Variants in ADK observed in about 807,000 individuals in gnomAD.
ADK encodes the protein N6,N6-dimethyladenosine kinase.
ADK carries 24 observed loss-of-function variants against 44.7 expected under a neutral mutation model. The ratio of observed to expected loss-of-function variants is 0.54; its 90% confidence interval spans 0.39 to 0.76. The LOEUF (loss-of-function observed/expected upper bound fraction) is 0.76. Ranked by LOEUF, ADK falls within the 30% of genes least tolerant of loss-of-function variation. ADK has a pLI of 0.00. For missense variants in ADK, 321 were observed against 425.1 expected (o/e 0.76, Z 2.15); for synonymous variants, 128 against 142.6 (o/e 0.90, Z 0.73).
At chr10:74,439,658 G>T (rs942712261) in intron 6 of ADK, among the ~76,000 whole-genome samples, 1 of 151,994 alleles carries the variant, frequency 6.6e-6, no homozygotes, top group African/African-American at 2.4e-5. Flanking sequence ...CCTTTATATT[G>T]AAAATGATTA....
chr10:74,452,034 A>G (rs1845799157), intron 6 of ADK, among the ~76,000 whole-genome samples: 1 of 151,918 alleles, frequency 6.6e-6, no homozygotes, highest in Non-Finnish European at 1.5e-5. Context: ...GTGTATAGAT[A>G]TGATGTACAC....
intron 9 of ADK, among the ~76,000 whole-genome samples, chr10:74,624,471 A>T (rs1853111649): frequency 6.6e-6 from 1 of 152,110 alleles, no homozygotes; most frequent in Non-Finnish European, 1.5e-5. Flanking sequence ...GCACTTAGCC[A>T]TCTATTCAAT....
intron 4 of ADK, among the ~76,000 whole-genome samples, chr10:74,315,721 T>G (rs1642065695): frequency 6.6e-6 from 1 of 152,242 alleles, no homozygotes; most frequent in South Asian, 2.1e-4. Flanking sequence ...CCAGAATGAT[T>G]TCTTTTCAAG....
At chr10:74,214,827 T>C (rs1011667096) in intron 2 of ADK, among the ~76,000 whole-genome samples, 3 of 152,230 alleles carry the variant, frequency 2.0e-5, no homozygotes, top group Non-Finnish European at 4.4e-5. Flanking sequence ...GTATTTATCA[T>C]AATTGTTAAA....
At chr10:74,672,663 C>T (rs1167009419) in intron 10 of ADK, among the ~76,000 whole-genome samples, 1 of 152,138 alleles carries the variant, frequency 6.6e-6, no homozygotes, top group African/African-American at 2.4e-5. Context: ...TAATAGAATA[C>T]TTATGTTGCC....
chr10:74,398,494 C>T lies in ADK; in HGVS notation c.470C>T (p.Ala157Val). 1 of 1,611,230 alleles carries T rather than the reference C, an allele frequency of 6.2e-7. No homozygotes were observed. The highest frequency in any genetic ancestry group is 8.5e-7 in the Non-Finnish European group (1 of 1,178,146). The change falls in exon 6 of 11, where the codon GCT becomes GTT. Residue 157 changes from alanine (A) to valine (V), a missense_variant. Ala to Val is a moderately conservative substitution (Grantham distance 64). Transcript: ENST00000539909. ...AGGTCCCTCATAGCTAATCTTGCTG[C>T]TGCCAATTGTTATAAAAAGGAAAAA... ...DNRSLIANLA[A>V]ANCYKKEKHL...
intron 9 of ADK, among the ~76,000 whole-genome samples, chr10:74,616,397 A>G (rs1852761185): frequency 1.3e-5 from 2 of 152,112 alleles, no homozygotes; most frequent in East Asian, 3.8e-4. Context: ...TTATATATAT[A>G]TATAAGGTGT....
intron 8 of ADK, among the ~76,000 whole-genome samples, chr10:74,596,590 C>T (rs934991929): frequency 3.2e-4 from 49 of 151,804 alleles, no homozygotes; most frequent in African/African-American, 1.1e-3. Flanking sequence ...CTGTTGCCCA[C>T]GCTGGAGTGC....
At chr10:74,523,889 C>T (rs1047805244) in intron 6 of ADK, among the ~76,000 whole-genome samples, 1 of 152,198 alleles carries the variant, frequency 6.6e-6, no homozygotes, top group African/African-American at 2.4e-5. Context: ...TGTTGCTGCC[C>T]AGGTTAACTT....
At chr10:74,699,657 A>G (rs1238975327) in intron 10 of ADK, among the ~76,000 whole-genome samples, 1 of 151,580 alleles carries the variant, frequency 6.6e-6, no homozygotes, top group South Asian at 2.1e-4. Flanking sequence ...CCTGGATGAC[A>G]GAGGAGACTC....
At chr10:74,427,458 A>G (rs1301446733) in intron 6 of ADK, among the ~76,000 whole-genome samples, 1 of 152,190 alleles carries the variant, frequency 6.6e-6, no homozygotes, top group Non-Finnish European at 1.5e-5. Flanking sequence ...TTGGCTTCCC[A>G]AAGTGCTGGG....
At chr10:74,435,904 A>G (rs893005049) in intron 6 of ADK, among the ~76,000 whole-genome samples, 2 of 152,228 alleles carry the variant, frequency 1.3e-5, no homozygotes, top group African/African-American at 4.8e-5. Context: ...ACCAAGAAAT[A>G]CTAAAGAAAA....
chr10:74,325,837 T>TA (rs1273543531), intron 4 of ADK, among the ~76,000 whole-genome samples: 1 of 152,090 alleles, frequency 6.6e-6, no homozygotes, highest in Non-Finnish European at 1.5e-5. Context: ...CCTGGTGAAT[T>TA]ATCTTGTTAA....
chr10:74,353,809 A>G (rs912868950), intron 4 of ADK, among the ~76,000 whole-genome samples: 2 of 152,194 alleles, frequency 1.3e-5, no homozygotes, highest in South Asian at 2.1e-4. Context: ...TGGAGCTTGC[A>G]GTGAGCTGAG....
intron 2 of ADK, among the ~76,000 whole-genome samples, chr10:74,215,616 C>A (rs112397960): frequency 2.6e-5 from 4 of 151,684 alleles, no homozygotes; most frequent in African/African-American, 9.7e-5. Flanking sequence ...TGAGCCACTG[C>A]GCCCAGCTAA....
At chr10:74,633,692 A>G (rs1373368560) in intron 9 of ADK, among the ~76,000 whole-genome samples, 3 of 152,208 alleles carry the variant, frequency 2.0e-5, no homozygotes, top group Non-Finnish European at 2.9e-5. Context: ...ACAAAATATT[A>G]CAAAACCAAC....
At chr10:74,449,409 G>C (rs11595136) in intron 6 of ADK, among the ~76,000 whole-genome samples, 1 of 152,132 alleles carries the variant, frequency 6.6e-6, no homozygotes, top group Non-Finnish European at 1.5e-5. Context: ...ATTGGAATTT[G>C]ATTGAATAAC....
chr10:74,462,999 G>C (rs192957031), intron 6 of ADK, among the ~76,000 whole-genome samples: 10 of 152,240 alleles, frequency 6.6e-5, no homozygotes, highest in Admixed American at 3.9e-4. Context: ...TTCCAACATT[G>C]TGATGACTCA....
chr10:74,476,577 T>A (rs1846855461), intron 6 of ADK, among the ~76,000 whole-genome samples: 1 of 152,174 alleles, frequency 6.6e-6, no homozygotes, highest in African/African-American at 2.4e-5. Flanking sequence ...CTTTTTGTCT[T>A]TAGCACTATA....
Sources: allele counts gnomAD v4.1 joint callset (sites outside exome capture counted in the v4.1 genomes callset), GRCh38; gene constraint gnomAD v4.1.1; transcripts MANE v1.5; gene names NCBI Gene and HGNC (gene_info 2026-07-23, HGNC 2026-07-21).